The following TRPM3 variants were observed in gnomAD, a reference collection of about 807,000 sequenced individuals.
TRPM3 encodes the protein long transient receptor potential channel 3.
TRPM3 carries 77 observed loss-of-function variants against 181.2 expected under a neutral mutation model. The ratio of observed to expected loss-of-function variants is 0.42; its 90% CI spans 0.35 to 0.51. TRPM3 has a LOEUF of 0.51. Ranked by LOEUF, TRPM3 falls within the 20% of genes least tolerant of loss-of-function variation. The pLI is 0.01. For missense variants in TRPM3, 1,759 were observed against 2,196.7 expected (o/e 0.80, Z 3.98); for synonymous variants, 745 against 796.4 (o/e 0.94, Z 1.09).
intron 5 of TRPM3, among the ~76,000 whole-genome samples, chr9:70,839,310 TAACA>T (rs1342901012): frequency 6.6e-6 from 1 of 152,162 alleles, no homozygotes; most frequent in East Asian, 1.9e-4. Flanking sequence ...TACACTTAAG[TAACA>T]TGAAGCCCAG....
intron 1 of TRPM3, among the ~76,000 whole-genome samples, chr9:71,277,619 A>G (rs1003570567): frequency 1.9e-4 from 29 of 152,094 alleles, no homozygotes; most frequent in Non-Finnish European, 2.2e-4. Context: ...AAAGAGGCTC[A>G]TTAGTCTGCA....
rs138910787 is a variant in TRPM3 at position 70,536,388 on chromosome 9, C to T, written c.4725G>A (p.Ala1575=). 236 of 1,613,998 alleles carry T rather than the reference C, an allele frequency of 1.5e-4. No homozygotes were observed. The highest frequency in any genetic ancestry group is 1.2e-3 in the African/African-American group (93 of 74,996). The change falls in exon 26 of 26, where the codon GCG becomes GCA. Residue 1575 remains alanine, a synonymous_variant. Coordinates refer to ENST00000677713, the MANE Select transcript of TRPM3 (RefSeq NM_001366145.2). ...TRCVNAPQAI[A]DRAAFPGGLG... ...GACCTCCAGGGAAGGCAGCTCTGTCCGCAATTGCTTGAGGGGCATTGACAC... is the reference window on the plus strand; with the variant it reads ...GACCTCCAGGGAAGGCAGCTCTGTCTGCAATTGCTTGAGGGGCATTGACAC...
chr9:71,263,362 T>A (rs555823183), intron 1 of TRPM3, among the ~76,000 whole-genome samples: 1 of 152,308 alleles, frequency 6.6e-6, no homozygotes, highest in Non-Finnish European at 1.5e-5. Context: ...GAGAAGATAG[T>A]ACAAAGACTG....
At chr9:71,141,623 A>G (rs571366633) in intron 1 of TRPM3, among the ~76,000 whole-genome samples, 17 of 152,274 alleles carry the variant, frequency 1.1e-4, no homozygotes, top group Admixed American at 2.6e-4. Flanking sequence ...TATCTGTACA[A>G]CGTCAGGTTG....
chr9:71,399,110 A>C (rs62545042), intron 1 of TRPM3, among the ~76,000 whole-genome samples: 27,498 of 71,228 alleles, frequency 0.39, 3,260 homozygotes, highest in Middle Eastern at 0.49. Context: ...TGCCTTCAAG[A>C]ATCTTCATAA....
intron 9 of TRPM3, among the ~76,000 whole-genome samples, chr9:70,671,745 C>T (rs1278420477): frequency 1.3e-5 from 2 of 152,004 alleles, no homozygotes; most frequent in Admixed American, 6.6e-5. Flanking sequence ...ATTTGACATA[C>T]TTTGCCCCTC....
intron 1 of TRPM3, among the ~76,000 whole-genome samples, chr9:70,958,995 G>T (rs1357122685): frequency 6.8e-6 from 1 of 146,676 alleles, no homozygotes; most frequent in African/African-American, 2.6e-5. Flanking sequence ...CACACTCTGG[G>T]GACTGTTGTG....
At chr9:71,081,911 T>C (rs987917356) in intron 1 of TRPM3, among the ~76,000 whole-genome samples, 1 of 152,198 alleles carries the variant, frequency 6.6e-6, no homozygotes, top group Admixed American at 6.5e-5. Context: ...CAATTTATGA[T>C]AATTATAAGT....
chr9:71,154,075 A>C (rs2075866976), intron 1 of TRPM3, among the ~76,000 whole-genome samples: 1 of 152,114 alleles, frequency 6.6e-6, no homozygotes. Context: ...AACAACAACA[A>C]CAACAAAACC....
In TRPM3 at chr9:71,425,590, G is replaced by C. The variant is rs144864476; in HGVS notation, c.183+21063C>G. ...CCACCAACCTGGTCCAGGCCATCAT[G>C]ATTTCTCACCAGGTTTTCCCCCACA... is the stretch of plus-strand genomic sequence containing the variant. On this transcript the variant is annotated intron_variant, in intron 1 of 24. Coordinates refer to the TRPM3 transcript ENST00000357533. Among the ~76,000 whole-genome samples the C allele has an allele frequency of 9.9e-5, 15 of 152,182 alleles. No homozygotes were observed. In the East Asian group the frequency reaches 2.9e-3, roughly 29 times the overall value.
At chr9:71,017,920 A>G (rs2097797886) in intron 1 of TRPM3, among the ~76,000 whole-genome samples, 1 of 151,892 alleles carries the variant, frequency 6.6e-6, no homozygotes, top group African/African-American at 2.4e-5. Context: ...AAAATATTTC[A>G]TATTCTGGGC....
chr9:70,998,646 A>G (rs1039185819), intron 1 of TRPM3, among the ~76,000 whole-genome samples: 3 of 152,060 alleles, frequency 2.0e-5, no homozygotes, highest in African/African-American at 7.2e-5. Context: ...TGCCCAACCT[A>G]CTTGTCCTCC....
rs1040497302 is a variant in TRPM3, at chr9:71,436,294, C to A, written c.183+10359G>T. On this transcript the variant is annotated intron_variant, in intron 1 of 24. Transcript: ENST00000357533. ...CCGATTAAACCTCTCTTTTTTTTTT[C>A]TTTCTTTTTTTTTTTTTTTTTTTTT... Among the ~76,000 whole-genome samples the A allele has an allele frequency of 8.5e-3, 388 of 45,532 alleles. 2 individuals are homozygous for A. The highest frequency in any genetic ancestry group is 0.015 in the African/African-American group (358 of 23,864). 29.9% of individuals were successfully genotyped at this position (45,532 alleles called of 152,430 possible).
chr9:70,687,612 C>G (rs2067302281), intron 8 of TRPM3, among the ~76,000 whole-genome samples: 1 of 152,184 alleles, frequency 6.6e-6, no homozygotes, highest in South Asian at 2.1e-4. Flanking sequence ...CTCTTGTGGA[C>G]AGATTACCTT....
intron 12 of TRPM3, among the ~76,000 whole-genome samples, chr9:70,626,505 AGTG>A (rs2064643130): frequency 1.3e-5 from 2 of 152,200 alleles, no homozygotes; most frequent in South Asian, 4.1e-4. Flanking sequence ...CATTATGTAT[AGTG>A]GTGGTTTTCC....
In TRPM3 at chr9:70,679,154, C is replaced by T. The variant is rs143797700; in HGVS notation, c.1345+2352G>A. ...AATCAATTTAGTGGGATATAATCAG[C>T]ATTTAAAAGAAAAGAATAGATTGAA... On this transcript the variant is annotated intron_variant, in intron 9 of 25. Coordinates refer to ENST00000677713, the MANE Select transcript of TRPM3 (RefSeq NM_001366145.2). Among the ~76,000 whole-genome samples, 1,401 of 152,142 alleles carry T rather than the reference C, an allele frequency of 9.2e-3. 18 individuals carry two copies. Among genetic ancestry groups the T allele is most frequent in the African/African-American group, 0.032 (1,333 of 41,502 alleles).
chr9:71,296,519 G>T (rs1359032392), intron 1 of TRPM3, among the ~76,000 whole-genome samples: 1 of 152,176 alleles, frequency 6.6e-6, no homozygotes, highest in African/African-American at 2.4e-5. Context: ...AGCAAGGAGA[G>T]AACAAGGTGT....
chr9:70,640,953 A>G (rs1350962681), intron 9 of TRPM3, among the ~76,000 whole-genome samples: 1 of 152,168 alleles, frequency 6.6e-6, no homozygotes, highest in Non-Finnish European at 1.5e-5. Flanking sequence ...GTACATGTTT[A>G]TGGTATGCAT....
At chr9:70,907,783 C>T (rs1407208362) in intron 1 of TRPM3, among the ~76,000 whole-genome samples, 1 of 152,160 alleles carries the variant, frequency 6.6e-6, no homozygotes, top group Non-Finnish European at 1.5e-5. Flanking sequence ...TTAGCTCCCA[C>T]TTATAAGTGA....
Sources: gnomAD v4.1 joint callset for allele counts (sites outside exome capture counted in the v4.1 genomes callset) on GRCh38, gnomAD v4.1.1 for gene constraint, MANE v1.5 for transcripts, NCBI Gene and HGNC (gene_info 2026-07-23, HGNC 2026-07-21) for gene names.